Variants in ASB15 observed in about 807,000 individuals in gnomAD.
The protein encoded by ASB15 is ankyrin repeat and SOCS box protein 15.
A neutral mutation model predicts 58.0 loss-of-function variants in ASB15; 54 were observed. That is an observed-to-expected ratio of 0.93 (90% CI 0.75 to 1.17). The LOEUF is 1.17. ASB15 is among the 50% of genes most tolerant of loss of function. The pLI is 0.00. For synonymous variants in ASB15, 249 were observed against 262.4 expected, an observed-to-expected ratio of 0.95 and a Z score of 0.50; for missense variants, 680 against 707.4, an observed-to-expected ratio of 0.96 and a Z score of 0.44.
chr7:123,581,961 C>G (rs1799246900), intron 1 of ASB15, among the ~76,000 whole-genome samples: 1 of 151,926 alleles, frequency 6.6e-6, no homozygotes, highest in African/African-American at 2.4e-5. Flanking sequence ...AGCTTTTTAC[C>G]TGCACCAGCC....
At chr7:123,635,583 C>CTTTT (rs5887149) in intron 11 of ASB15, among the ~76,000 whole-genome samples, 11 of 81,696 alleles carry the variant, frequency 1.3e-4, no homozygotes, top group Admixed American at 3.8e-4. Flanking sequence ...AAATTAATTG[C>CTTTT]TTTTTTTTTT....
chr7:123,600,885 T>C (rs1219936088), upstream of ASB15, among the ~76,000 whole-genome samples: 1 of 152,142 alleles, frequency 6.6e-6, no homozygotes, highest in Non-Finnish European at 1.5e-5. Flanking sequence ...AAGCGTGTAG[T>C]GCTCCCAGTA....
Position 123,627,094 on chromosome 7 carries a change from C to G in ASB15, c.698-16C>G. On this transcript the variant is annotated splice_polypyrimidine_tract_variant and intron_variant, in intron 8 of 11. Transcript: ENST00000451215. ...ATACCATCCAGTTATCATTATGCCA[C>G]GTTTTATACTGCCAGGTGGTGATGT... 6.2e-7 allele frequency: 1 copy of G among 1,606,110 alleles called. No homozygotes were observed. Among genetic ancestry groups the G allele is most frequent in the Non-Finnish European group, 8.5e-7 (1 of 1,174,684 alleles).
intron 1 of ASB15, 60 bp downstream of exon 1, chr7:123,601,974 T>C (rs761208049): frequency 5.9e-5 from 9 of 152,314 alleles, no homozygotes; most frequent in Middle Eastern, 3.4e-3. Context: ...TAGTTCATTA[T>C]TGGTAATATT....
intron 3 of ASB15, among the ~76,000 whole-genome samples, chr7:123,613,685 T>C (rs1327370456): frequency 1.3e-5 from 2 of 152,142 alleles, no homozygotes; most frequent in Admixed American, 6.5e-5. Flanking sequence ...ATGGTCCTTA[T>C]AACAATGTTC....
upstream of ASB15, among the ~76,000 whole-genome samples, chr7:123,598,003 C>T (rs1043935009): frequency 8.0e-5 from 12 of 150,010 alleles, no homozygotes; most frequent in African/African-American, 2.5e-4. Context: ...TCTTAGGTCT[C>T]ATCTCTCTAC....
intron 1 of ASB15, among the ~76,000 whole-genome samples, chr7:123,593,056 G>C (rs1218493959): frequency 6.6e-6 from 1 of 151,616 alleles, no homozygotes; most frequent in South Asian, 2.1e-4. Flanking sequence ...ATCTTTGTTG[G>C]TTTAAAGTTT....
chr7:123,606,066 T>A (rs1800135750), intron 2 of ASB15, among the ~76,000 whole-genome samples: 1 of 152,196 alleles, frequency 6.6e-6, no homozygotes. Flanking sequence ...ATCAATGTAG[T>A]CAAAACGTTT....
At chr7:123,635,503 T>C (rs557407954) in intron 11 of ASB15, among the ~76,000 whole-genome samples, 1 of 151,808 alleles carries the variant, frequency 6.6e-6, no homozygotes, top group Non-Finnish European at 1.5e-5. Context: ...TTTGTCTTAC[T>C]TGAAAACACA....
Position 123,624,765 on chromosome 7 carries a change from C to T in ASB15, c.648C>T (p.Val216=). The T allele has an allele frequency of 6.2e-7, 1 of 1,614,026 alleles. No individual in the cohort carries two copies. Residue 216 remains valine, a synonymous_variant, in exon 8 of 12, where the codon GTC becomes GTT. Coordinates refer to ENST00000451215, the MANE Select transcript of ASB15 (RefSeq NM_001290258.2). ...GATTTGGAGTCACACCACTAGGCGT[C>T]GCTGCCGAGTATGGTCACTGTGACG... ...RDGFGVTPLG[V]AAEYGHCDVL... is the part of the protein sequence containing the mutation.
chr7:123,628,193 ACT>A (rs3034907), intron 9 of ASB15, among the ~76,000 whole-genome samples: 42,315 of 151,918 alleles, frequency 0.28, 6,212 homozygotes, highest in African/African-American at 0.36. Context: ...AATACTAAAG[ACT>A]CTTCTTTTGG....
At chr7:123,601,107 G>A (rs1054988072), upstream of ASB15, among the ~76,000 whole-genome samples, 4 of 152,148 alleles carry the variant, frequency 2.6e-5, no homozygotes, top group Non-Finnish European at 4.4e-5. Context: ...TGCCGATGGT[G>A]GCCTGAGTTA....
intron 7 of ASB15, chr7:123,621,493 A>G (rs898329597): frequency 6.6e-6 from 1 of 152,190 alleles, no homozygotes; most frequent in Non-Finnish European, 1.5e-5. Flanking sequence ...TCTTGAATCT[A>G]TGGTCTTCTT....
chr7:123,629,483 T>C (rs1802008493), intron 10 of ASB15, 49 bp downstream of exon 10: 1 of 1,406,114 alleles, frequency 7.1e-7, no homozygotes, highest in South Asian at 1.3e-5. Context: ...CCTAATTTAA[T>C]ACATGTTCAT....
chr7:123,599,890 C>A (rs1799817180), upstream of ASB15, among the ~76,000 whole-genome samples: 1 of 152,170 alleles, frequency 6.6e-6, no homozygotes. Flanking sequence ...CTCATTCTCA[C>A]CAGACAAAAC....
upstream of ASB15, chr7:123,598,673 G>A (rs1415488366): frequency 1.3e-5 from 2 of 152,144 alleles, no homozygotes; most frequent in African/African-American, 4.8e-5. Flanking sequence ...AACTTTACTA[G>A]ACAAAGTGAA....
In ASB15 at chr7:123,637,878, T is replaced by TAAAAGAAAAAAAAAAAAAAAAA. The variant is rs1802499094; in HGVS notation, c.*901_*902insGAAAAAAAAAAAAAAAAAAAAA. 1 of 52,468 alleles carries TAAAAGAAAAAAAAAAAAAAAAA rather than the reference T, an allele frequency of 1.9e-5. No individual in the cohort carries two copies. The highest frequency in any genetic ancestry group is 6.4e-5 in the African/African-American group (1 of 15,620). 3.3% of individuals were successfully genotyped at this position (52,468 alleles called of 1,614,324 possible). On this transcript the variant is annotated 3_prime_UTR_variant, in exon 12 of 12. Transcript: ENST00000451215. Reference sequence around the variant, plus strand: ...AAATTCAACATGTCCCCAGATGAACTAAAAAAAAAAAAAAAAAAAAAACCT... The same window carrying TAAAAGAAAAAAAAAAAAAAAAA: ...AAATTCAACATGTCCCCAGATGAACTAAAAGAAAAAAAAAAAAAAAAAAAAAAAAAAAAAAAAAAAAAAACCT...
chr7:123,606,777 G>C (rs1490170738), intron 2 of ASB15, among the ~76,000 whole-genome samples: 1 of 152,050 alleles, frequency 6.6e-6, no homozygotes, highest in African/African-American at 2.4e-5. Context: ...GTCACAAATG[G>C]CAAGATTCTC....
At chr7:123,632,225 A>G (rs935460224) in intron 11 of ASB15, among the ~76,000 whole-genome samples, 17 of 152,220 alleles carry the variant, frequency 1.1e-4, no homozygotes, top group African/African-American at 3.6e-4. Flanking sequence ...AAAGAACAAT[A>G]CGAGTCAAAA....
Sources: gnomAD v4.1 joint callset for allele counts (sites outside exome capture counted in the v4.1 genomes callset) on GRCh38, gnomAD v4.1.1 for gene constraint, MANE v1.5 for transcripts, NCBI Gene and HGNC (gene_info 2026-07-23, HGNC 2026-07-21) for gene names.